Variants in CHCHD6 observed in about 807,000 individuals in gnomAD.
CHCHD6 encodes coiled-coil-helix-coiled-coil-helix domain containing 6.
Under a neutral mutation model 32.3 loss-of-function variants are expected in CHCHD6, and 28 were observed. That is an observed-to-expected ratio of 0.87 (90% CI 0.64 to 1.19). The LOEUF (loss-of-function observed/expected upper bound fraction) is 1.19. Among genes scored for constraint, CHCHD6 ranks in the 50% most tolerant of loss-of-function variants. CHCHD6 has a pLI of 0.00. For missense variants in CHCHD6, 333 were observed against 307.0 expected, an observed-to-expected ratio of 1.08 and a Z score of -0.63; for synonymous variants, 122 against 117.5, an observed-to-expected ratio of 1.04 and a Z score of -0.25.
At chr3:126,853,534 C>T (rs1373776719) in intron 5 of CHCHD6, among the ~76,000 whole-genome samples, 1 of 152,142 alleles carries the variant, frequency 6.6e-6, no homozygotes, top group African/African-American at 2.4e-5. Context: ...GGCCTGATTT[C>T]CACAGGGGTT....
intron 4 of CHCHD6, among the ~76,000 whole-genome samples, chr3:126,787,076 T>C (rs548669920): frequency 8.7e-4 from 132 of 152,366 alleles, no homozygotes; most frequent in African/African-American, 2.3e-3. Flanking sequence ...ATTTGTTAAA[T>C]AGGGAATCCT....
intron 1 of CHCHD6, among the ~76,000 whole-genome samples, chr3:126,718,674 C>T (rs1935137218): frequency 6.6e-6 from 1 of 152,176 alleles, no homozygotes; most frequent in Non-Finnish European, 1.5e-5. Flanking sequence ...GCTCCTCCTC[C>T]CCTGTACTGC....
intron 7 of CHCHD6, 87 bp from the exon 8 acceptor site, chr3:126,960,109 C>T (rs2078839874): frequency 4.7e-6 from 7 of 1,481,680 alleles, no homozygotes; most frequent in Admixed American, 3.9e-5. Flanking sequence ...CCCTGGGAAG[C>T]GGTTGCTGTC....
chr3:126,767,252 A>G, intron 4 of CHCHD6: 1 of 1,421,220 alleles, frequency 7.0e-7, no homozygotes, highest in Admixed American at 1.7e-5. Flanking sequence ...GGGGCTGGGG[A>G]TAGTGTCTGT....
At position 126,727,110 on chromosome 3, in the gene CHCHD6, G is replaced by A; in HGVS notation, c.120G>A (p.Glu40=). ...LSENVVNRMK[E]PSSPPPAPTS... ...AAAACGTGGTGAACCGCATGAAGGA[G>A]CCCAGCTCTCCACCCCCTGCTCCCA... Residue 40 remains glutamate, a synonymous_variant, in exon 2 of 8, where the codon GAG becomes GAA. Coordinates refer to ENST00000290913, the MANE Select transcript of CHCHD6 (RefSeq NM_032343.3). The A allele has an allele frequency of 6.2e-7, 1 of 1,614,078 alleles. No individual in the cohort carries two copies. The highest frequency in any genetic ancestry group is 1.3e-5 in the African/African-American group (1 of 75,034).
intron 5 of CHCHD6, among the ~76,000 whole-genome samples, chr3:126,882,901 C>G (rs962698959): frequency 2.0e-5 from 3 of 152,208 alleles, no homozygotes; most frequent in Admixed American, 1.3e-4. Context: ...TGACAGCTGG[C>G]AGCCCCTAGG....
intron 5 of CHCHD6, among the ~76,000 whole-genome samples, chr3:126,896,270 C>A (rs529800232): frequency 8.6e-4 from 131 of 152,348 alleles, no homozygotes; most frequent in Middle Eastern, 3.4e-3. Flanking sequence ...AACCCCTACA[C>A]CCTGGAGGGC....
intron 6 of CHCHD6, among the ~76,000 whole-genome samples, chr3:126,931,234 T>G (rs1402009957): frequency 6.6e-6 from 1 of 152,224 alleles, no homozygotes; most frequent in East Asian, 1.9e-4. Context: ...AGGTTCTTTG[T>G]GGAGTCAGCC....
chr3:126,865,068 T>TCCTCCTCCTCCTCCA (rs1942222902), intron 5 of CHCHD6, among the ~76,000 whole-genome samples: 1 of 68,116 alleles, frequency 1.5e-5, no homozygotes. Context: ...CTCCTCCTTT[T>TCCTCCTCCTCCTCCA]CCACCACCTC....
intron 4 of CHCHD6, among the ~76,000 whole-genome samples, chr3:126,778,895 C>CA (rs1937782145): frequency 6.6e-6 from 1 of 151,446 alleles, no homozygotes; most frequent in Admixed American, 6.6e-5. Flanking sequence ...GCTGGAACTA[C>CA]AGCCATGTGC....
At chr3:126,953,154 G>A in intron 6 of CHCHD6, 1 of 985,204 alleles carries the variant, frequency 1.0e-6, no homozygotes, top group Non-Finnish European at 1.2e-6. Context: ...ACCACACAGT[G>A]GAAAGTGACA....
At chr3:126,811,296 G>A (rs567373147) in intron 4 of CHCHD6, among the ~76,000 whole-genome samples, 15 of 152,322 alleles carry the variant, frequency 9.8e-5, no homozygotes, top group African/African-American at 3.6e-4. Flanking sequence ...GCAAGTGTGG[G>A]TGTTCTGCCC....
At chr3:126,736,492 G>T (rs75063549) in intron 4 of CHCHD6, among the ~76,000 whole-genome samples, 2,889 of 152,234 alleles carry the variant, frequency 0.019, 91 homozygotes, top group African/African-American at 0.065. Flanking sequence ...AATATGTAAT[G>T]TGCTCTTCCA....
intron 7 of CHCHD6, among the ~76,000 whole-genome samples, chr3:126,958,499 A>G (rs953660813): frequency 6.6e-6 from 1 of 152,166 alleles, no homozygotes; most frequent in Admixed American, 6.5e-5. Context: ...AGCCATGTCC[A>G]AGGGGAGATC....
chr3:126,791,586 A>G (rs1938546135), intron 4 of CHCHD6, among the ~76,000 whole-genome samples: 1 of 152,238 alleles, frequency 6.6e-6, no homozygotes, highest in African/African-American at 2.4e-5. Context: ...TGTGCTAACA[A>G]TGAGCGAGGC....
At chr3:126,756,151 C>G (rs1270806625) in intron 4 of CHCHD6, among the ~76,000 whole-genome samples, 4 of 152,042 alleles carry the variant, frequency 2.6e-5, no homozygotes, top group Non-Finnish European at 4.4e-5. Flanking sequence ...CCACTGTGGT[C>G]GTGATTCTTC....
At chr3:126,768,014 T>C (rs1937444946) in intron 4 of CHCHD6, among the ~76,000 whole-genome samples, 1 of 152,222 alleles carries the variant, frequency 6.6e-6, no homozygotes, top group African/African-American at 2.4e-5. Context: ...GTATTTAGGT[T>C]GATGCCATGT....
At chr3:126,947,489 C>T (rs879634297) in intron 6 of CHCHD6, among the ~76,000 whole-genome samples, 1 of 152,184 alleles carries the variant, frequency 6.6e-6, no homozygotes, top group Non-Finnish European at 1.5e-5. Context: ...GCTCATGTGG[C>T]GGTGCAGAGA....
chr3:126,928,971 CT>C (rs1488462485), intron 6 of CHCHD6, among the ~76,000 whole-genome samples: 1 of 152,238 alleles, frequency 6.6e-6, no homozygotes, highest in East Asian at 1.9e-4. Flanking sequence ...CATTTCATCT[CT>C]GTATAGCCCT....
Sources: allele counts gnomAD v4.1 joint callset (sites outside exome capture counted in the v4.1 genomes callset), GRCh38; gene constraint gnomAD v4.1.1; transcripts MANE v1.5; gene names NCBI Gene and HGNC (gene_info 2026-07-23, HGNC 2026-07-21).